Variants in TBCK observed in about 807,000 individuals in gnomAD.
TBCK encodes the protein TBC1 domain containing kinase.
TBCK carries 99 observed loss-of-function variants against 113.4 expected under a neutral mutation model. The ratio of observed to expected loss-of-function variants is 0.87; its 90% CI spans 0.74 to 1.03. TBCK has a LOEUF of 1.03. TBCK is among the 50% of genes least tolerant of loss of function. The pLI, the probability that TBCK is intolerant of heterozygous loss-of-function variation, is 0.00. For synonymous variants in TBCK, 369 were observed against 370.8 expected, an observed-to-expected ratio of 1.00 and a Z score of 0.05; for missense variants, 1,045 against 1,061.3, an observed-to-expected ratio of 0.98 and a Z score of 0.21.
intron 3 of TBCK, among the ~76,000 whole-genome samples, chr4:106,278,853 A>G (rs1192162094): frequency 6.6e-6 from 1 of 151,980 alleles, no homozygotes; most frequent in Non-Finnish European, 1.5e-5. Context: ...GCATAATGTA[A>G]ACTCTATTGC....
At chr4:106,316,402 G>C (rs571011862), upstream of TBCK, 11 of 745,348 alleles carry the variant, frequency 1.5e-5, no homozygotes, top group Non-Finnish European at 2.3e-5. Flanking sequence ...GGAAGACGAG[G>C]AGCGTGGTAT....
intron 3 of TBCK, among the ~76,000 whole-genome samples, chr4:106,280,328 A>T (rs1228828055): frequency 5.3e-5 from 8 of 152,054 alleles, no homozygotes; most frequent in African/African-American, 1.9e-4. Context: ...TAATCTAGTT[A>T]TTAGCCCCTT....
chr4:106,196,505 T>A (rs932467504), intron 20 of TBCK, among the ~76,000 whole-genome samples: 2 of 152,018 alleles, frequency 1.3e-5, no homozygotes, highest in African/African-American at 2.4e-5. Context: ...TTTCACTCAA[T>A]TGAGTATTTA....
chr4:106,194,771 G>T lies in TBCK; in HGVS notation c.1861-17C>A. 6.4e-7 allele frequency: 1 copy of T among 1,566,526 alleles called. No individual in the cohort carries two copies. On this transcript the variant is annotated splice_polypyrimidine_tract_variant and intron_variant, in intron 20 of 25. Transcript: ENST00000394708. Reference sequence around the variant, plus strand: ...GGCATAGAGCTATGAGTGGAAAAAGGGGTACAGGGAATGGATAAAAAGGAA... The same window carrying T: ...GGCATAGAGCTATGAGTGGAAAAAGTGGTACAGGGAATGGATAAAAAGGAA...
chr4:106,069,618 G>C (rs1408247473), intron 25 of TBCK, among the ~76,000 whole-genome samples: 1 of 152,160 alleles, frequency 6.6e-6, no homozygotes, highest in Non-Finnish European at 1.5e-5. Context: ...GAATTGTCTT[G>C]ACAATGCCAA....
At chr4:106,159,042 A>G (rs553809042) in intron 23 of TBCK, among the ~76,000 whole-genome samples, 1 of 152,120 alleles carries the variant, frequency 6.6e-6, no homozygotes, top group South Asian at 2.1e-4. Context: ...GAGAAAAAAA[A>G]AAAACAACCA....
chr4:106,308,649 A>C (rs1579590274), intron 2 of TBCK, 119 bp downstream of exon 2: 1 of 891,144 alleles, frequency 1.1e-6, no homozygotes, highest in East Asian at 2.7e-5. Context: ...GGATGAGAGA[A>C]AGAAGGACAT....
chr4:106,075,712 T>TTA (rs1384244573), intron 25 of TBCK, among the ~76,000 whole-genome samples: 1 of 152,178 alleles, frequency 6.6e-6, no homozygotes, highest in Non-Finnish European at 1.5e-5. Context: ...AGCCTAGGGT[T>TTA]TAGTACAATG....
rs1057004887 is a variant in TBCK, at chr4:106,181,003, C to T, written c.2060-9733G>A. The stretch of plus-strand genomic sequence containing the variant: ...TCCCACCAACAGTGTAAAAGCATTC[C>T]TATTTTTCCACAACCTCTCCAGCAT... On this transcript the variant is annotated intron_variant, in intron 22 of 25. Transcript: ENST00000394708. Among the ~76,000 whole-genome samples, 9 of 152,266 alleles carry T rather than the reference C, an allele frequency of 5.9e-5. No homozygotes were observed. In the South Asian group the frequency reaches 8.3e-4, roughly 14 times the overall value.
chr4:106,185,400 T>TGTA (rs1379481631), intron 22 of TBCK, among the ~76,000 whole-genome samples: 1 of 152,068 alleles, frequency 6.6e-6, no homozygotes, highest in Non-Finnish European at 1.5e-5. Flanking sequence ...TATCATTAAC[T>TGTA]GTATATTAAT....
chr4:106,093,156 C>G (rs1490570877), intron 25 of TBCK, among the ~76,000 whole-genome samples: 2 of 152,190 alleles, frequency 1.3e-5, no homozygotes, highest in Non-Finnish European at 2.9e-5. Context: ...CACTTGCATA[C>G]TTCTTTAGTA....
chr4:106,213,570 CAGGGAGTTCCCTTTCCTAATCAAAGAA>C, intron 19 of TBCK: 1 of 153,572 alleles, frequency 6.5e-6, no homozygotes, highest in Middle Eastern at 3.3e-3. Flanking sequence ...CGCAAGGGGT[CAGGGAGTTCCCTTTCCTAATCAAAGAA>C]AGGGGTGACG....
intron 23 of TBCK, among the ~76,000 whole-genome samples, chr4:106,169,397 C>T (rs569564461): frequency 1.3e-5 from 2 of 152,100 alleles, no homozygotes; most frequent in South Asian, 4.2e-4. Context: ...CACATAAATA[C>T]AACCAACTAA....
intron 25 of TBCK, among the ~76,000 whole-genome samples, chr4:106,061,035 T>C (rs1735978732): frequency 7.2e-6 from 1 of 138,844 alleles, no homozygotes; most frequent in African/African-American, 2.7e-5. Flanking sequence ...TTGCTTCTTA[T>C]GAATGTGCAA....
chr4:106,183,667 C>A (rs1752667427), intron 22 of TBCK, among the ~76,000 whole-genome samples: 1 of 152,054 alleles, frequency 6.6e-6, no homozygotes, highest in Admixed American at 6.6e-5. Context: ...ACCAGCAGTT[C>A]ACACAATTTG....
intron 20 of TBCK, among the ~76,000 whole-genome samples, chr4:106,205,082 A>T (rs893707497): frequency 3.3e-5 from 5 of 152,168 alleles, no homozygotes; most frequent in Non-Finnish European, 7.3e-5. Flanking sequence ...TGATTTTTTT[A>T]AATGTACAAA....
intron 2 of TBCK, among the ~76,000 whole-genome samples, chr4:106,308,497 A>G (rs1767783342): frequency 6.6e-6 from 1 of 152,228 alleles, no homozygotes; most frequent in South Asian, 2.1e-4. Context: ...CAAGCAATAC[A>G]TCGAAAGAGG....
At chr4:106,255,334 A>G (rs1051560077) in intron 5 of TBCK, among the ~76,000 whole-genome samples, 9 of 152,220 alleles carry the variant, frequency 5.9e-5, no homozygotes, top group African/African-American at 2.2e-4. Context: ...GGCTGTGCTC[A>G]GCTCGTGCTA....
At chr4:106,083,780 G>A (rs111504265) in intron 25 of TBCK, among the ~76,000 whole-genome samples, 2,184 of 152,210 alleles carry the variant, frequency 0.014, 56 homozygotes, top group African/African-American at 0.05. Context: ...GACATCTCCA[G>A]GCACAGGAGC....
Sources: allele counts gnomAD v4.1 joint callset (sites outside exome capture counted in the v4.1 genomes callset), GRCh38; gene constraint gnomAD v4.1.1; transcripts MANE v1.5; gene names NCBI Gene and HGNC (gene_info 2026-07-23, HGNC 2026-07-21).